The following ROBO2 variants were observed in gnomAD, a reference collection of about 807,000 sequenced individuals.
ROBO2 encodes the protein roundabout homolog 2.
Under a neutral mutation model 160.8 loss-of-function variants are expected in ROBO2, and 53 were observed. That is an observed-to-expected ratio of 0.33 (90% CI 0.26 to 0.41). ROBO2 has a LOEUF of 0.41. Among genes scored for constraint, ROBO2 ranks in the 10% least tolerant of loss-of-function variants. The probability of loss-of-function intolerance (pLI) is 1.00; values close to 1 mark genes in which losing one functional copy is unlikely to be tolerated. For missense variants in ROBO2, 1,577 were observed against 1,722.4 expected, an observed-to-expected ratio of 0.92 and a Z score of 1.49; for synonymous variants, 664 against 611.7, an observed-to-expected ratio of 1.09 and a Z score of -1.26.
At chr3:76,759,606 C>A (rs2061184192) in intron 2 of ROBO2, among the ~76,000 whole-genome samples, 1 of 151,558 alleles carries the variant, frequency 6.6e-6, no homozygotes, top group Non-Finnish European at 1.5e-5. Flanking sequence ...TGAAAGGGAT[C>A]AAGTATTTGA....
intron 2 of ROBO2, among the ~76,000 whole-genome samples, chr3:77,186,076 A>G (rs2081259573): frequency 6.6e-6 from 1 of 151,994 alleles, no homozygotes; most frequent in African/African-American, 2.4e-5. Context: ...AATTGGGTGC[A>G]GTGTGTACTG....
intron 2 of ROBO2, among the ~76,000 whole-genome samples, chr3:76,273,120 A>AATATATATATAT (rs749043409): frequency 0.01 from 329 of 32,308 alleles, 1 homozygote; most frequent in Non-Finnish European, 0.042. Flanking sequence ...CACACATATA[A>AATATATATATAT]ATATATATAT....
At chr3:75,950,983 ATTCAT>A (rs1316415595) in intron 2 of ROBO2, among the ~76,000 whole-genome samples, 1 of 151,986 alleles carries the variant, frequency 6.6e-6, no homozygotes, top group Non-Finnish European at 1.5e-5. Context: ...AATAGCTCAA[ATTCAT>A]TTCAGCATTT....
At position 76,658,687 on chromosome 3, in the gene ROBO2, A is replaced by G. The variant is rs114034300; in HGVS notation, c.110-439327A>G. Among the ~76,000 whole-genome samples the G allele has an allele frequency of 2.6e-3, 396 of 152,336 alleles. 1 individual carries two copies. The highest frequency in any genetic ancestry group is 9.0e-3 in the African/African-American group (373 of 41,572). On this transcript the variant is annotated intron_variant, in intron 2 of 26. Transcript: ENST00000487694. The stretch of plus-strand genomic sequence containing the variant: ...ACACTCATCCTTTCTATGGATGCGT[A>G]GTATTCCAAGGTGTATATGTGCCAC...
intron 2 of ROBO2, among the ~76,000 whole-genome samples, chr3:76,115,127 C>G (rs2070405922): frequency 6.6e-6 from 1 of 152,040 alleles, no homozygotes; most frequent in Non-Finnish European, 1.5e-5. Context: ...ACTGTAAGAT[C>G]CAAAGGAAAA....
At chr3:77,371,306 G>C (rs570897360) in intron 2 of ROBO2, among the ~76,000 whole-genome samples, 10 of 152,270 alleles carry the variant, frequency 6.6e-5, no homozygotes, top group Admixed American at 2.6e-4. Flanking sequence ...TCTACAAGTA[G>C]TGCTCTTTAT....
intron 2 of ROBO2, among the ~76,000 whole-genome samples, chr3:76,179,464 C>T (rs1405929918): frequency 6.6e-6 from 1 of 152,124 alleles, no homozygotes; most frequent in Non-Finnish European, 1.5e-5. Flanking sequence ...GTTTTCCATC[C>T]TCCTTACTTC....
At chr3:77,517,117 G>A (rs530916783) in intron 5 of ROBO2, among the ~76,000 whole-genome samples, 5 of 151,660 alleles carry the variant, frequency 3.3e-5, no homozygotes, top group South Asian at 2.1e-4. Context: ...AAAATAAAAC[G>A]TATTAAAAAG....
intron 2 of ROBO2, among the ~76,000 whole-genome samples, chr3:76,254,467 A>G (rs921737868): frequency 2.0e-5 from 3 of 152,158 alleles, no homozygotes; most frequent in African/African-American, 7.2e-5. Flanking sequence ...ATGCAGAGTC[A>G]GTCAGAGACT....
intron 5 of ROBO2, among the ~76,000 whole-genome samples, chr3:77,513,697 A>C (rs1339701702): frequency 6.6e-6 from 1 of 151,782 alleles, no homozygotes; most frequent in Non-Finnish European, 1.5e-5. Flanking sequence ...GACACAATTC[A>C]GTTTTCGTTT....
At chr3:76,090,029 G>A (rs954029933) in intron 2 of ROBO2, among the ~76,000 whole-genome samples, 4 of 152,090 alleles carry the variant, frequency 2.6e-5, no homozygotes, top group East Asian at 1.9e-4. Flanking sequence ...ACATATTAGC[G>A]ATGAACAAGC....
chr3:76,150,319 C>T (rs1168471462), intron 2 of ROBO2, among the ~76,000 whole-genome samples: 2 of 151,482 alleles, frequency 1.3e-5, no homozygotes, highest in Non-Finnish European at 2.9e-5. Flanking sequence ...CACACATCAT[C>T]TGTCTAAAAC....
chr3:76,722,984 A>G (rs535978720), intron 2 of ROBO2, among the ~76,000 whole-genome samples: 7 of 152,324 alleles, frequency 4.6e-5, no homozygotes, highest in Admixed American at 4.6e-4. Flanking sequence ...CAATTGAAAT[A>G]TGGAAAATAA....
chr3:76,718,620 T>A (rs1463840599), intron 2 of ROBO2, among the ~76,000 whole-genome samples: 1 of 152,188 alleles, frequency 6.6e-6, no homozygotes, highest in Non-Finnish European at 1.5e-5. Flanking sequence ...CCCTCTGTGA[T>A]TATAAATAGT....
At chr3:75,916,340 C>T (rs1199059412) in intron 1 of ROBO2, among the ~76,000 whole-genome samples, 1 of 152,134 alleles carries the variant, frequency 6.6e-6, no homozygotes, top group African/African-American at 2.4e-5. Context: ...CCTTGAAACT[C>T]ACTGATTTAT....
At chr3:76,879,635 T>C (rs2073141799) in intron 2 of ROBO2, among the ~76,000 whole-genome samples, 1 of 152,008 alleles carries the variant, frequency 6.6e-6, no homozygotes, top group South Asian at 2.1e-4. Context: ...ATCAAGAAGC[T>C]AGGGATACAG....
At chr3:77,106,332 C>T (rs750313944) in intron 2 of ROBO2, among the ~76,000 whole-genome samples, 3 of 152,158 alleles carry the variant, frequency 2.0e-5, no homozygotes, top group African/African-American at 7.2e-5. Context: ...TGTGAGCCAC[C>T]GTGCCCGGCC....
chr3:76,232,756 C>T (rs975093113), intron 2 of ROBO2, among the ~76,000 whole-genome samples: 1 of 152,150 alleles, frequency 6.6e-6, no homozygotes, highest in East Asian at 1.9e-4. Flanking sequence ...TCCACTACTT[C>T]CTGTAAATCC....
intron 2 of ROBO2, among the ~76,000 whole-genome samples, chr3:76,863,796 C>T (rs1333031783): frequency 6.6e-6 from 1 of 152,020 alleles, no homozygotes; most frequent in African/African-American, 2.4e-5. Context: ...TAACTACCCC[C>T]TACCAGTTAC....
Sources: gnomAD v4.1 joint callset for allele counts (sites outside exome capture counted in the v4.1 genomes callset) on GRCh38, gnomAD v4.1.1 for gene constraint, MANE v1.5 for transcripts, NCBI Gene and HGNC (gene_info 2026-07-23, HGNC 2026-07-21) for gene names.